Variants in AMD1 observed in about 807,000 individuals in gnomAD.
AMD1 encodes the protein S-adenosylmethionine decarboxylase proenzyme.
Under a neutral mutation model 40.2 loss-of-function variants are expected in AMD1, and 11 were observed. The ratio of observed to expected loss-of-function variants is 0.27; its 90% CI spans 0.17 to 0.45. The LOEUF (loss-of-function observed/expected upper bound fraction) is 0.45, where lower values mean the gene tolerates loss of function less well. AMD1 is among the 20% of genes least tolerant of loss of function. The pLI, the probability that AMD1 is intolerant of heterozygous loss-of-function variation, is 1.00. For missense variants in AMD1, 257 were observed against 410.2 expected (o/e 0.63, Z 3.23); for synonymous variants, 121 against 130.8 (o/e 0.93, Z 0.51).
chr6:110,880,797 C>G (rs1285226952), intron 1 of AMD1, among the ~76,000 whole-genome samples: 1 of 152,118 alleles, frequency 6.6e-6, no homozygotes, highest in Non-Finnish European at 1.5e-5. Flanking sequence ...CTCAGCCTCA[C>G]GAGTAGCTGG....
rs776776300 is a variant in AMD1 at position 110,875,186 on chromosome 6, A to G, written c.81A>G (p.Gln27=). 7 of 1,612,796 alleles carry G rather than the reference A, an allele frequency of 4.3e-6. No individual in the cohort carries two copies. Among genetic ancestry groups the G allele is most frequent in the Non-Finnish European group, 1.7e-6 (2 of 1,179,466 alleles). The change falls in exon 1 of 9, where the codon CAA becomes CAG. Residue 27 remains glutamine (Q), a synonymous_variant. Coordinates refer to ENST00000368885, the MANE Select transcript of AMD1 (RefSeq NM_001634.6). The part of the protein sequence containing the change: ...WFSRQQPDAN[Q]GSGDLRTIPR... ...CCCGGCAGCAGCCCGACGCAAACCA[A>G]GGATCTGGGGATCTTCGCACTATCC... is the stretch of plus-strand genomic sequence containing the variant.
the AMD1 span, among the ~76,000 whole-genome samples, chr6:110,854,897 CA>C: frequency 6.6e-6 from 1 of 151,984 alleles, no homozygotes; most frequent in South Asian, 2.1e-4. Context: ...GCTAAATACA[CA>C]GTATATATGA....
At chr6:110,845,248 A>T in the AMD1 span, among the ~76,000 whole-genome samples, 2 of 151,936 alleles carry the variant, frequency 1.3e-5, no homozygotes, top group Non-Finnish European at 1.5e-5. Context: ...CATGTTGGCC[A>T]GGCTGGTCTC....
chr6:110,829,573 G>A, the AMD1 span, among the ~76,000 whole-genome samples: 1 of 152,000 alleles, frequency 6.6e-6, no homozygotes, highest in Non-Finnish European at 1.5e-5. Flanking sequence ...GGAGGCTGAG[G>A]CAGGAGAATG....
Position 110,893,676 on chromosome 6 carries a change from T to C in AMD1, c.*60T>C, listed in dbSNP as rs1803096. Reference sequence around the variant, plus strand: ...CACATGTAGAAGGTGGTGGATGCTTTCTAGATGTCGATGCTGGGGGCAGTG... The same window carrying C: ...CACATGTAGAAGGTGGTGGATGCTTCCTAGATGTCGATGCTGGGGGCAGTG... On this transcript the variant is annotated 3_prime_UTR_variant, in exon 9 of 9. Coordinates refer to ENST00000368885, the MANE Select transcript of AMD1 (RefSeq NM_001634.6). 70,491 of 1,575,746 alleles carry C rather than the reference T, an allele frequency of 0.045. 1,856 individuals are homozygous for C. Among genetic ancestry groups the C allele is most frequent in the Middle Eastern group, 0.073 (327 of 4,458 alleles).
chr6:110,820,240 C>CTTTTTTT, the AMD1 span, among the ~76,000 whole-genome samples: 1 of 142,004 alleles, frequency 7.0e-6, no homozygotes, highest in South Asian at 2.2e-4. Flanking sequence ...TTCTTTCTTT[C>CTTTTTTT]TTTTTTTTTT....
chr6:110,831,543 C>T, the AMD1 span, among the ~76,000 whole-genome samples: 1 of 152,134 alleles, frequency 6.6e-6, no homozygotes, highest in Non-Finnish European at 1.5e-5. Context: ...AATCCTCCCA[C>T]TTTCACCTTC....
At chr6:110,817,900 T>C in the AMD1 span, among the ~76,000 whole-genome samples, 1 of 152,156 alleles carries the variant, frequency 6.6e-6, no homozygotes, top group East Asian at 1.9e-4. Flanking sequence ...ATTTAAAGCA[T>C]GAGTAAGCCT....
Position 110,894,079 on chromosome 6 carries a change from C to T in AMD1, c.*463C>T, listed in dbSNP as rs1227649072. 1 of 153,978 alleles carries T rather than the reference C, an allele frequency of 6.5e-6. No individual in the cohort carries two copies. Among genetic ancestry groups the T allele is most frequent in the African/African-American group, 2.4e-5 (1 of 41,466 alleles). The allele number at this position is 153,978 out of a possible 1,614,324, so 9.5% of individuals were successfully genotyped here. A position where few individuals can be genotyped will look rare whatever the true frequency, so the allele number is the denominator to read the frequency against. ...TTTTACATCCAGTTACCTCCACTTT[C>T]TAGAACATATTCTTTACTAATGTTA... On this transcript the variant is annotated 3_prime_UTR_variant, in exon 9 of 9. Transcript: ENST00000368885.
rs1197940057 is a variant in AMD1, at chr6:110,875,053, G to A, written c.-53G>A. ...GGCGGCGGCAGCGGCGGGAGAAGAG[G>A]TTTAATTTAGTTGATTTTCTGTGGT... On this transcript the variant is annotated 5_prime_UTR_variant, in exon 1 of 9. Coordinates refer to ENST00000368885, the MANE Select transcript of AMD1 (RefSeq NM_001634.6). 4.2e-6 allele frequency: 6 copies of A among 1,441,450 alleles called. No individual in the cohort carries two copies. Among genetic ancestry groups the A allele is most frequent in the Admixed American group, 1.9e-5 (1 of 51,744 alleles). 89.3% of individuals were successfully genotyped at this position (1,441,450 alleles called of 1,614,324 possible).
chr6:110,886,821 T>C (rs559999077), intron 1 of AMD1, among the ~76,000 whole-genome samples: 32 of 152,358 alleles, frequency 2.1e-4, no homozygotes, highest in Admixed American at 5.2e-4. Flanking sequence ...TTACATTGTC[T>C]TTTTATAATG....
chr6:110,872,972 T>A (rs1784944500), upstream of AMD1, among the ~76,000 whole-genome samples: 1 of 152,240 alleles, frequency 6.6e-6, no homozygotes, highest in Admixed American at 6.5e-5. Flanking sequence ...ACAGAAATAC[T>A]TCTTTTATCT....
At chr6:110,824,182 C>T in the AMD1 span, among the ~76,000 whole-genome samples, 1 of 152,128 alleles carries the variant, frequency 6.6e-6, no homozygotes, top group Admixed American at 6.6e-5. Flanking sequence ...ACCCATCAAC[C>T]AACCAATGAA....
At chr6:110,863,392 CAG>C in the AMD1 span, among the ~76,000 whole-genome samples, 1 of 138,980 alleles carries the variant, frequency 7.2e-6, no homozygotes, top group Non-Finnish European at 1.5e-5. Context: ...TTTTTTTAGA[CAG>C]AGTCTCGCTC....
At chr6:110,853,560 G>A in the AMD1 span, among the ~76,000 whole-genome samples, 2 of 152,092 alleles carry the variant, frequency 1.3e-5, no homozygotes, top group African/African-American at 4.8e-5. Flanking sequence ...GCCTGCCTCG[G>A]CCTCCCAAAG....
chr6:110,860,226 C>T, the AMD1 span, among the ~76,000 whole-genome samples: 1 of 152,128 alleles, frequency 6.6e-6, no homozygotes, highest in Admixed American at 6.6e-5. Context: ...CCACCGAGTA[C>T]TGCACAGGGA....
chr6:110,858,348 G>A, the AMD1 span: 2 of 812,904 alleles, frequency 2.5e-6, no homozygotes, highest in Non-Finnish European at 4.4e-6. Flanking sequence ...CTCCGCAGCT[G>A]GATCGAGGGA....
At chr6:110,842,809 C>T in the AMD1 span, among the ~76,000 whole-genome samples, 1 of 152,046 alleles carries the variant, frequency 6.6e-6, no homozygotes, top group Non-Finnish European at 1.5e-5. Flanking sequence ...TCAAACAATT[C>T]CCACAGATAT....
the AMD1 span, among the ~76,000 whole-genome samples, chr6:110,831,255 T>C: frequency 6.6e-6 from 1 of 151,556 alleles, no homozygotes; most frequent in Non-Finnish European, 1.5e-5. Flanking sequence ...CTGGCCAACA[T>C]AGTGAAACCC....
Sources: gnomAD v4.1 joint callset for allele counts (sites outside exome capture counted in the v4.1 genomes callset) on GRCh38, gnomAD v4.1.1 for gene constraint, MANE v1.5 for transcripts, NCBI Gene and HGNC (gene_info 2026-07-23, HGNC 2026-07-21) for gene names.